SRGAP3: variants seen among roughly 807,000 people sequenced by gnomAD.
SRGAP3 encodes the protein SLIT-ROBO Rho GTPase activating protein 3.
SRGAP3 carries 39 observed loss-of-function variants against 121.1 expected under a neutral mutation model. That is an observed-to-expected ratio of 0.32 (90% CI 0.25 to 0.42). The LOEUF (loss-of-function observed/expected upper bound fraction) is 0.42, where lower values mean the gene tolerates loss of function less well. SRGAP3 is among the 10% of genes least tolerant of loss of function. The pLI is 1.00. For missense variants in SRGAP3, 1,213 were observed against 1,470.6 expected (o/e 0.82, Z 2.86); for synonymous variants, 601 against 570.0 (o/e 1.05, Z -0.77).
intron 1 of SRGAP3, chr3:9,348,651 C>G (rs985939990): frequency 1.9e-6 from 2 of 1,076,972 alleles, no homozygotes; most frequent in African/African-American, 3.0e-5. Context: ...CTGGACAGTG[C>G]TAGATGCCAT....
At chr3:9,019,956 C>G (rs529724728) in intron 14 of SRGAP3, among the ~76,000 whole-genome samples, 1 of 152,198 alleles carries the variant, frequency 6.6e-6, no homozygotes, top group South Asian at 2.1e-4. Flanking sequence ...ATAAACACAC[C>G]AAAAAAATCA....
intron 1 of SRGAP3, among the ~76,000 whole-genome samples, chr3:9,338,564 A>G (rs769997925): frequency 6.6e-6 from 1 of 152,204 alleles, no homozygotes; most frequent in Non-Finnish European, 1.5e-5. Flanking sequence ...AGCCAGACCA[A>G]TCCCTTCTCT....
intron 3 of SRGAP3, among the ~76,000 whole-genome samples, chr3:9,260,221 G>A (rs1954225518): frequency 1.3e-5 from 2 of 152,154 alleles, no homozygotes; most frequent in Admixed American, 1.3e-4. Context: ...AAAAATGGGT[G>A]GCAATTTGGG....
chr3:9,114,939 T>C (rs1027606206), intron 2 of SRGAP3, among the ~76,000 whole-genome samples: 2 of 152,196 alleles, frequency 1.3e-5, no homozygotes, highest in African/African-American at 4.8e-5. Flanking sequence ...ATGGGAAATG[T>C]GGTCTGTGAA....
rs1944492017 is a variant in SRGAP3 at position 9,031,711 on chromosome 3, C to T, written c.1539+939G>A. ...GAGGATCACAAGTAGACAGCTGGAG[C>T]ACGAGCAGCCTCCAAAACCCCCAAA... On this transcript the variant is annotated intron_variant, in intron 12 of 21. Coordinates refer to ENST00000383836, the MANE Select transcript of SRGAP3 (RefSeq NM_014850.4). 1.3e-5 allele frequency among the ~76,000 whole-genome samples: 2 copies of T among 152,190 alleles called. 1 individual carries two copies. The highest frequency in any genetic ancestry group is 4.1e-4 in the South Asian group (2 of 4,834).
At chr3:9,084,766 A>G (rs1947386140) in intron 3 of SRGAP3, among the ~76,000 whole-genome samples, 1 of 152,206 alleles carries the variant, frequency 6.6e-6, no homozygotes, top group Admixed American at 6.5e-5. Flanking sequence ...TTGAGTTTAC[A>G]GTCCATTCTG....
At chr3:9,257,229 C>T (rs112339916) in intron 3 of SRGAP3, 25 of 163,186 alleles carry the variant, frequency 1.5e-4, no homozygotes, top group African/African-American at 5.7e-4. Flanking sequence ...TTCTTACTCT[C>T]GATGTGATGC....
Position 8,985,838 on chromosome 3 carries a change from G to A in SRGAP3, c.2981C>T (p.Thr994Ile), listed in dbSNP as rs1208266332. Residue 994 changes from threonine to isoleucine, a missense_variant, in exon 22 of 22, where the codon ACC (threonine) becomes ATC (isoleucine). Physicochemically the swap from Thr to Ile is moderately conservative, Grantham distance 89. Around this residue, in one of 2 missense-constraint regions of SRGAP3, gnomAD observed 420 missense variants for 437.7 expected, o/e 0.96. Coordinates refer to ENST00000383836, the MANE Select transcript of SRGAP3 (RefSeq NM_014850.4). The surrounding 1 kb of genome is among the most constrained non-coding windows in gnomAD (Gnocchi z 5.1). ...VKQAPDVVLDTLEPLKNPPGP... is the reference protein window; with the variant it reads ...VKQAPDVVLDILEPLKNPPGP... Reference sequence around the variant, plus strand: ...TGGCGGGTTCTTCAGGGGCTCCAGGGTGTCCAGCACCACATCTGGCGCCTG... The same window carrying A: ...TGGCGGGTTCTTCAGGGGCTCCAGGATGTCCAGCACCACATCTGGCGCCTG... The A allele has an allele frequency of 2.0e-5, 32 of 1,600,488 alleles. No individual in the cohort carries two copies. Among genetic ancestry groups the A allele is most frequent in the African/African-American group, 2.7e-5 (2 of 75,012 alleles).
chr3:9,316,569 A>G (rs529691693), intron 3 of SRGAP3, among the ~76,000 whole-genome samples: 2 of 152,196 alleles, frequency 1.3e-5, no homozygotes, highest in African/African-American at 4.8e-5. Flanking sequence ...CTGAGGCAGG[A>G]GAATGGCTTG....
intron 10 of SRGAP3, among the ~76,000 whole-genome samples, chr3:9,041,028 T>A (rs1025701221): frequency 3.9e-5 from 6 of 152,294 alleles, no homozygotes; most frequent in Admixed American, 2.0e-4. Context: ...GTAGAATGAG[T>A]GAATGAATGA....
intron 1 of SRGAP3, among the ~76,000 whole-genome samples, chr3:9,246,976 C>CA (rs34920062): frequency 0.11 from 16,036 of 152,096 alleles, 946 homozygotes; most frequent in East Asian, 0.21. Flanking sequence ...AAGGATCAGC[C>CA]AGGGCAATTA....
chr3:9,253,578 C>A (rs75193612), upstream of SRGAP3, among the ~76,000 whole-genome samples: 1 of 152,164 alleles, frequency 6.6e-6, no homozygotes, highest in African/African-American at 2.4e-5. Flanking sequence ...ACACCTCCCC[C>A]TCGCCGAGAT....
At chr3:9,196,239 C>T (rs556309028) in intron 1 of SRGAP3, among the ~76,000 whole-genome samples, 1 of 152,292 alleles carries the variant, frequency 6.6e-6, no homozygotes, top group African/African-American at 2.4e-5. Flanking sequence ...AGCCATGAGC[C>T]CTGGGGACCA....
chr3:9,101,095 G>A (rs7639278), intron 3 of SRGAP3, among the ~76,000 whole-genome samples: 9,027 of 152,224 alleles, frequency 0.059, 871 homozygotes, highest in African/African-American at 0.21. Context: ...ATTCCATTTC[G>A]GCATTCGGGA....
At chr3:9,323,828 CTT>C (rs1955474408) in intron 3 of SRGAP3, among the ~76,000 whole-genome samples, 1 of 150,070 alleles carries the variant, frequency 6.7e-6, no homozygotes, top group African/African-American at 2.5e-5. Context: ...CACACACACA[CTT>C]ATTCATATAT....
At position 9,216,050 on chromosome 3, in the gene SRGAP3, A is replaced by T. The variant is rs117001606; in HGVS notation, c.67+32835T>A. On this transcript the variant is annotated intron_variant, in intron 1 of 21. Transcript: ENST00000383836. ...CACATACACATACACACATGTATACATATATATATGTATATATACTCTCCA... is the reference window on the plus strand; with the variant it reads ...CACATACACATACACACATGTATACTTATATATATGTATATATACTCTCCA... Among the ~76,000 whole-genome samples, 174 of 152,010 alleles carry T rather than the reference A, an allele frequency of 1.1e-3. 2 individuals are homozygous for T. The East Asian group carries it at 0.019, about 16-fold the overall frequency.
chr3:9,144,410 G>A (rs1468228892), intron 1 of SRGAP3, among the ~76,000 whole-genome samples: 1 of 152,136 alleles, frequency 6.6e-6, no homozygotes, highest in East Asian at 1.9e-4. Flanking sequence ...TCCTCTGCCT[G>A]GAATGCCCTT....
At chr3:9,189,476 C>T (rs1951691574) in intron 1 of SRGAP3, among the ~76,000 whole-genome samples, 1 of 152,184 alleles carries the variant, frequency 6.6e-6, no homozygotes, top group African/African-American at 2.4e-5. Context: ...TGGACTCCTC[C>T]AATCCCTTTA....
At chr3:9,227,178 C>T (rs988876851) in intron 1 of SRGAP3, among the ~76,000 whole-genome samples, 12 of 152,188 alleles carry the variant, frequency 7.9e-5, no homozygotes, top group African/African-American at 2.9e-4. Flanking sequence ...TGGATTTTTA[C>T]ATGAACTCCC....
Sources: allele counts gnomAD v4.1 joint callset (sites outside exome capture counted in the v4.1 genomes callset), GRCh38; gene constraint gnomAD v4.1.1; regional missense constraint gnomAD v4.1.1; non-coding constraint Gnocchi (gnomAD v3.1); transcripts MANE v1.5; gene names NCBI Gene and HGNC (gene_info 2026-07-23, HGNC 2026-07-21).